The following RXFP1 variants were observed in gnomAD, a reference collection of about 807,000 sequenced individuals.
RXFP1 encodes the protein relaxin family peptide receptor 1.
A neutral mutation model predicts 89.8 loss-of-function variants in RXFP1; 73 were observed. The ratio of observed to expected loss-of-function variants is 0.81; its 90% CI spans 0.67 to 0.99. The LOEUF (loss-of-function observed/expected upper bound fraction) is 0.99. Among genes scored for constraint, RXFP1 ranks in the 50% least tolerant of loss-of-function variants. RXFP1 has a pLI of 0.00. For missense variants in RXFP1, 793 were observed against 895.5 expected (o/e 0.89, Z 1.46); for synonymous variants, 277 against 305.5 (o/e 0.91, Z 0.97).
chr4:158,530,916 A>G (rs1221754313), intron 1 of RXFP1, among the ~76,000 whole-genome samples: 4 of 152,240 alleles, frequency 2.6e-5, no homozygotes, highest in African/African-American at 7.2e-5. Flanking sequence ...AAAAATCTGT[A>G]CAAAGCTTTT....
In RXFP1 at chr4:158,599,420, T is replaced by G. The variant is rs1761257838; in HGVS notation, c.381T>G (p.Asn127Lys). Residue 127 changes from asparagine (N) to lysine (K), a missense_variant, in exon 4 of 18, where the codon AAT (asparagine) becomes AAG (lysine). By Grantham distance (94) the Asn-to-Lys change is moderately conservative. Transcript: ENST00000307765. ...NLRAVPSVSSNVTAMSLQWNL... is the reference protein window; with the variant it reads ...NLRAVPSVSSKVTAMSLQWNL... ...GAGCTGTTCCATCGGTTTCTTCAAA[T>G]GTGACTGCAATGTAAGTAGAAAAGA... 1.2e-6 allele frequency: 2 copies of G among 1,613,226 alleles called. No homozygotes were observed. The highest frequency in any genetic ancestry group is 1.7e-6 in the Non-Finnish European group (2 of 1,179,524).
chr4:158,559,727 T>C (rs952682679), intron 1 of RXFP1, among the ~76,000 whole-genome samples: 1 of 152,248 alleles, frequency 6.6e-6, no homozygotes, highest in African/African-American at 2.4e-5. Context: ...AAATTCTTCA[T>C]AGAATTGCAG....
chr4:158,650,556 G>A (rs1316839401), intron 17 of RXFP1, among the ~76,000 whole-genome samples: 4 of 151,682 alleles, frequency 2.6e-5, no homozygotes, highest in Non-Finnish European at 5.9e-5. Flanking sequence ...ATCACTTGAG[G>A]TCAGGAGTTG....
Position 158,639,291 on chromosome 4 carries a change from C to A in RXFP1, c.1075C>A (p.Gln359Lys). Residue 359 changes from glutamine to lysine, a missense_variant, in exon 14 of 18, where the codon CAA (glutamine) becomes AAA (lysine). Gln to Lys is a moderately conservative substitution (Grantham distance 53). Coordinates refer to ENST00000307765, the MANE Select transcript of RXFP1 (RefSeq NM_021634.4). ...AGAAGGGATTGAAATTTCAAATATC[C>A]AACAAAGGATGTTTAGACCTCTTAT... Reference protein sequence around the residue: ...SLEGIEISNIQQRMFRPLMNL... With the variant: ...SLEGIEISNIKQRMFRPLMNL... 1 of 1,571,156 alleles carries A rather than the reference C, an allele frequency of 6.4e-7. No individual in the cohort carries two copies. Among genetic ancestry groups the A allele is most frequent in the Non-Finnish European group, 8.8e-7 (1 of 1,141,332 alleles).
Position 158,638,374 on chromosome 4 carries a change from T to G in RXFP1, c.1043+295T>G, listed in dbSNP as rs140157085. On this transcript the variant is annotated intron_variant, in intron 13 of 17. Transcript: ENST00000307765. ...CAAAGACATCTGTGCATATTCACTC[T>G]CTTAACACTGGGTATTTTATAATTT... 8.8e-3 allele frequency among the ~76,000 whole-genome samples: 1,333 copies of G among 152,334 alleles called. 20 individuals are homozygous for G. The highest frequency in any genetic ancestry group is 0.03 in the African/African-American group (1,264 of 41,574).
At chr4:158,625,336 A>G (rs1362116166) in intron 9 of RXFP1, among the ~76,000 whole-genome samples, 9 of 152,082 alleles carry the variant, frequency 5.9e-5, no homozygotes, top group Non-Finnish European at 1.0e-4. Flanking sequence ...CTACAAAACT[A>G]TAGAGATATG....
chr4:158,523,017 C>T (rs1006501849), intron 1 of RXFP1, among the ~76,000 whole-genome samples: 4 of 152,158 alleles, frequency 2.6e-5, no homozygotes, highest in Non-Finnish European at 5.9e-5. Flanking sequence ...CTTCCCTCTG[C>T]TCCATCGCAT....
intron 3 of RXFP1, among the ~76,000 whole-genome samples, chr4:158,597,228 A>T (rs1760799815): frequency 6.6e-6 from 1 of 152,172 alleles, no homozygotes; most frequent in Non-Finnish European, 1.5e-5. Flanking sequence ...CAAAGCTTAT[A>T]ATCATTTTTG....
chr4:158,522,046 AT>A (rs1741298363), intron 1 of RXFP1, 21 bp downstream of exon 1: 1 of 1,409,150 alleles, frequency 7.1e-7, no homozygotes, highest in Admixed American at 1.7e-5. Context: ...TCAGTATCTA[AT>A]TTTGTATACC....
At chr4:158,564,839 A>T (rs1171406606) in intron 1 of RXFP1, among the ~76,000 whole-genome samples, 1 of 152,186 alleles carries the variant, frequency 6.6e-6, no homozygotes, top group African/African-American at 2.4e-5. Flanking sequence ...GTTCTTAAAG[A>T]TATGGTTCCA....
intron 2 of RXFP1, among the ~76,000 whole-genome samples, chr4:158,588,211 G>GA (rs1758681337): frequency 6.6e-6 from 1 of 152,012 alleles, no homozygotes; most frequent in Non-Finnish European, 1.5e-5. Flanking sequence ...TATGGGTTCA[G>GA]AAAAAATGCA....
rs191183858 is a variant in RXFP1, at chr4:158,614,211, G to A, written c.680+1849G>A. ...TTAGCGTAATTCTTGAGGGCCCTAGGATTTTTGGAACAGTAAATGAGCGTT... is the reference window on the plus strand; with the variant it reads ...TTAGCGTAATTCTTGAGGGCCCTAGAATTTTTGGAACAGTAAATGAGCGTT... On this transcript the variant is annotated intron_variant, in intron 8 of 17. Coordinates refer to ENST00000307765, the MANE Select transcript of RXFP1 (RefSeq NM_021634.4). Among the ~76,000 whole-genome samples, 497 of 152,246 alleles carry A rather than the reference G, an allele frequency of 3.3e-3. 2 individuals are homozygous for A. Among genetic ancestry groups the A allele is most frequent in the African/African-American group, 0.012 (481 of 41,520 alleles).
intron 5 of RXFP1, among the ~76,000 whole-genome samples, chr4:158,607,287 C>G (rs1762703515): frequency 6.6e-6 from 1 of 152,060 alleles, no homozygotes; most frequent in Non-Finnish European, 1.5e-5. Flanking sequence ...TCTTGACATT[C>G]CAATCTAATT....
intron 13 of RXFP1, 134 bp from the exon 14 acceptor site, chr4:158,639,126 T>G: frequency 3.6e-6 from 2 of 548,808 alleles, no homozygotes; most frequent in Admixed American, 3.1e-5. Context: ...AGTGGGTGGG[T>G]TGAGTATAAT....
chr4:158,612,059 T>C, intron 6 of RXFP1, 71 bp from the exon 7 acceptor site: 1 of 1,261,600 alleles, frequency 7.9e-7, no homozygotes, highest in Non-Finnish European at 1.1e-6. Flanking sequence ...TGGATGATTA[T>C]TGTTTTTACT....
intron 4 of RXFP1, among the ~76,000 whole-genome samples, chr4:158,600,828 A>G (rs528239488): frequency 7.7e-6 from 1 of 130,416 alleles, no homozygotes; most frequent in South Asian, 2.2e-4. Context: ...CCCTGCCTCA[A>G]AAAAAAAAAA....
At chr4:158,549,081 G>C (rs1413558029) in intron 1 of RXFP1, among the ~76,000 whole-genome samples, 4 of 151,608 alleles carry the variant, frequency 2.6e-5, no homozygotes, top group African/African-American at 9.7e-5. Flanking sequence ...ATCACTTTCA[G>C]GTACACCAAT....
At chr4:158,609,373 T>C (rs1763131363) in intron 6 of RXFP1, among the ~76,000 whole-genome samples, 1 of 152,222 alleles carries the variant, frequency 6.6e-6, no homozygotes, top group Non-Finnish European at 1.5e-5. Flanking sequence ...ATAACTATCC[T>C]AATGGGTGTG....
intron 1 of RXFP1, among the ~76,000 whole-genome samples, chr4:158,548,552 T>C (rs1436799055): frequency 4.6e-5 from 7 of 152,232 alleles, no homozygotes; most frequent in African/African-American, 2.4e-5. Context: ...GCCTTGATGG[T>C]CTTTACATTT....
Sources: allele counts gnomAD v4.1 joint callset (sites outside exome capture counted in the v4.1 genomes callset), GRCh38; gene constraint gnomAD v4.1.1; transcripts MANE v1.5; gene names NCBI Gene and HGNC (gene_info 2026-07-23, HGNC 2026-07-21).